The following RFX2 variants were observed in gnomAD, a reference collection of about 807,000 sequenced individuals.
The protein encoded by RFX2 is regulatory factor X2.
RFX2 carries 20 observed loss-of-function variants against 87.8 expected under a neutral mutation model. The ratio of observed to expected loss-of-function variants is 0.23; its 90% CI spans 0.16 to 0.33. The LOEUF is 0.33. Ranked by LOEUF, RFX2 falls within the 10% of genes least tolerant of loss-of-function variation. The pLI is 1.00. For missense variants in RFX2, 767 were observed against 1,012.3 expected, an observed-to-expected ratio of 0.76 and a Z score of 3.29; for synonymous variants, 397 against 431.3, an observed-to-expected ratio of 0.92 and a Z score of 0.98.
At position 6,012,572 on chromosome 19, in the gene RFX2, G is replaced by C. The variant is rs766958943; in HGVS notation, c.899+414C>G. ...AGCCCTGATGTTGACTGTGGACTCT[G>C]GGGGGTGATGCTGGCTCCGCGGAGG... On this transcript the variant is annotated intron_variant, in intron 8 of 17. Transcript: ENST00000303657. This position sits in a 1 kb window ranked among gnomAD's most constrained non-coding sequence, Gnocchi z 4.6. 6.6e-6 allele frequency among the ~76,000 whole-genome samples: 1 copy of C among 152,100 alleles called. No individual in the cohort carries two copies. The highest frequency in any genetic ancestry group is 2.4e-5 in the African/African-American group (1 of 41,392).
Position 6,026,346 on chromosome 19 carries a change from G to A in RFX2, c.523-109C>T, listed in dbSNP as rs1451918628. Reference sequence around the variant, plus strand: ...TTGTTTTTATTAATATCCAAATAATGATTCGAGCTCCTACAAAATAAAAAT... The same window carrying A: ...TTGTTTTTATTAATATCCAAATAATAATTCGAGCTCCTACAAAATAAAAAT... On this transcript the variant is annotated intron_variant, in intron 5 of 17. Coordinates refer to ENST00000303657, the MANE Select transcript of RFX2 (RefSeq NM_000635.4). The surrounding 1 kb of genome is among the most constrained non-coding windows in gnomAD (Gnocchi z 4.5). 3 of 891,928 alleles carry A rather than the reference G, an allele frequency of 3.4e-6. No individual in the cohort carries two copies. The highest frequency in any genetic ancestry group is 5.3e-6 in the Non-Finnish European group (3 of 565,818). The allele number at this position is 891,928 out of a possible 1,614,324, so 55.3% of individuals were successfully genotyped here.
intron 1 of RFX2, among the ~76,000 whole-genome samples, chr19:6,085,194 T>C (rs1000056740): frequency 6.6e-6 from 1 of 152,232 alleles, no homozygotes; most frequent in African/African-American, 2.4e-5. Context: ...GTACAAATAC[T>C]GTTTTCCAAA....
rs750316051 is a variant in RFX2 at position 6,017,064 on chromosome 19, C to T, written c.598-793G>A. Among the ~76,000 whole-genome samples the T allele has an allele frequency of 2.0e-5, 3 of 152,158 alleles. No homozygotes were observed. The highest frequency in any genetic ancestry group is 4.4e-5 in the Non-Finnish European group (3 of 68,036). On this transcript the variant is annotated intron_variant, in intron 6 of 17. Coordinates refer to ENST00000303657, the MANE Select transcript of RFX2 (RefSeq NM_000635.4). The surrounding 1 kb of genome is among the most constrained non-coding windows in gnomAD (Gnocchi z 4.1). ...GTACAAATGGAAATTCAGTAAAATA[C>T]ACAAATGCTTATATGCACGGTTTTG...
At chr19:6,081,204 A>C (rs550456438) in intron 1 of RFX2, among the ~76,000 whole-genome samples, 371 of 152,326 alleles carry the variant, frequency 2.4e-3, no homozygotes, top group Non-Finnish European at 3.5e-3. Context: ...ACTTTAAAAA[A>C]GTTCATAATA....
intron 1 of RFX2, among the ~76,000 whole-genome samples, chr19:6,066,709 A>G (rs1334561741): frequency 6.6e-6 from 1 of 152,198 alleles, no homozygotes; most frequent in South Asian, 2.1e-4. Context: ...ACTCAAATTT[A>G]ATCAGAGAAA....
At chr19:6,108,731 C>A (rs973187757) in intron 1 of RFX2, among the ~76,000 whole-genome samples, 2 of 152,152 alleles carry the variant, frequency 1.3e-5, no homozygotes, top group Non-Finnish European at 2.9e-5. Context: ...GGCAGCCAGC[C>A]CTGGGTCCCG....
intron 1 of RFX2, among the ~76,000 whole-genome samples, chr19:6,085,672 A>G (rs183643177): frequency 2.9e-4 from 44 of 152,356 alleles, no homozygotes; most frequent in African/African-American, 9.6e-4. Flanking sequence ...GTCCTATCCA[A>G]GAAATCATTG....
rs543777931 is a variant in RFX2 at position 6,082,503 on chromosome 19, G to T, written c.-9+27890C>A. ...GCTGGAGTGCAGTGGCGCGATCACA[G>T]CTCACTTCATCCTCTAACTCCTGGG... On this transcript the variant is annotated intron_variant, in intron 1 of 17. Transcript: ENST00000303657. Among the ~76,000 whole-genome samples, 47 of 152,232 alleles carry T rather than the reference G, an allele frequency of 3.1e-4. 1 individual carries two copies. The highest frequency in any genetic ancestry group is 9.1e-4 in the African/African-American group (38 of 41,546).
At chr19:6,028,273 G>A (rs973609634) in intron 5 of RFX2, among the ~76,000 whole-genome samples, 12 of 151,446 alleles carry the variant, frequency 7.9e-5, no homozygotes, top group African/African-American at 2.7e-4. Flanking sequence ...TGTAGAGTGC[G>A]TGACTTACAG....
At position 6,044,454 on chromosome 19, in the gene RFX2, T is replaced by C. The variant is rs2087158557; in HGVS notation, c.91-172A>G. ...TCAGACTTGCACACTCACACCGACC[T>C]GGGCAGACACACGGCAGGTACGTGC... On this transcript the variant is annotated intron_variant, in intron 2 of 17. Coordinates refer to ENST00000303657, the MANE Select transcript of RFX2 (RefSeq NM_000635.4). The surrounding 1 kb of genome is among the most constrained non-coding windows in gnomAD (Gnocchi z 5.3). 6.6e-6 allele frequency among the ~76,000 whole-genome samples: 1 copy of C among 152,198 alleles called. No homozygotes were observed. Among genetic ancestry groups the C allele is most frequent in the Non-Finnish European group, 1.5e-5 (1 of 68,026 alleles).
intron 1 of RFX2, among the ~76,000 whole-genome samples, chr19:6,048,588 G>T (rs550889806): frequency 6.6e-6 from 1 of 152,242 alleles, no homozygotes; most frequent in East Asian, 1.9e-4. Flanking sequence ...CTGCCTGCTG[G>T]GGGTGGTGAG....
rs1019553159 is a variant in RFX2 at position 5,993,200 on chromosome 19, G to A, written c.*1635C>T. Reference sequence around the variant, plus strand: ...CCAGCTTGTATTGGTTACCAGGAGTGAGGAAAAGCCGGGCATTACAATCCG... The same window carrying A: ...CCAGCTTGTATTGGTTACCAGGAGTAAGGAAAAGCCGGGCATTACAATCCG... On this transcript the variant is annotated 3_prime_UTR_variant, in exon 18 of 18. Coordinates refer to ENST00000303657, the MANE Select transcript of RFX2 (RefSeq NM_000635.4). 3 of 152,270 alleles carry A rather than the reference G, an allele frequency of 2.0e-5. No homozygotes were observed. Among genetic ancestry groups the A allele is most frequent in the Non-Finnish European group, 4.4e-5 (3 of 68,042 alleles). The allele number at this position is 152,270 out of a possible 1,614,324, so 9.4% of individuals were successfully genotyped here.
rs2086594608 is a variant in RFX2 at position 6,007,176 on chromosome 19, GA to G, written c.1248-11del. 6.2e-7 allele frequency: 1 copy of G among 1,612,108 alleles called. No individual in the cohort carries two copies. Among genetic ancestry groups the G allele is most frequent in the East Asian group, 2.2e-5 (1 of 44,852 alleles). ...CTCGGGGTCTTCGTCACTGTGGAGG[GA>G]GGGGGGACAGGTGAGCTGTGGCCTG... On this transcript the variant is annotated splice_polypyrimidine_tract_variant and intron_variant, in intron 11 of 17. Transcript: ENST00000303657. This position sits in a 1 kb window ranked among gnomAD's most constrained non-coding sequence, Gnocchi z 8.2.
chr19:5,997,081 C>T lies in RFX2; in HGVS notation c.1992G>A (p.Thr664=), dbSNP rs139431127. ...EHRVAEATGE[T]PIAVMGEFND... is the part of the protein sequence containing the mutation. ...TCACCTCTCCCATCACAGCGATCGG[C>T]GTCTCTCCGGTGGCCTCCGCGACGC... Residue 664 remains threonine (T), a synonymous_variant, in exon 16 of 18, where the codon ACG becomes ACA. Transcript: ENST00000303657. The surrounding 1 kb of genome is among the most constrained non-coding windows in gnomAD (Gnocchi z 4.2). 122 of 1,612,266 alleles carry T rather than the reference C, an allele frequency of 7.6e-5. No homozygotes were observed. The African/African-American group carries it at 7.7e-4, about 10-fold the overall frequency.
Position 6,002,166 on chromosome 19 carries a change from C to G in RFX2, c.1651-143G>C. ...GACCTTGACAGCTGCAAGCCAAGTC[C>G]TGTGTCTCCCGTCACAGGGGCAGAA... On this transcript the variant is annotated intron_variant, in intron 14 of 17. Coordinates refer to ENST00000303657, the MANE Select transcript of RFX2 (RefSeq NM_000635.4). This position sits in a 1 kb window ranked among gnomAD's most constrained non-coding sequence, Gnocchi z 6.7. 1 of 688,618 alleles carries G rather than the reference C, an allele frequency of 1.5e-6. No homozygotes were observed. The highest frequency in any genetic ancestry group is 2.3e-6 in the Non-Finnish European group (1 of 427,840). The allele number at this position is 688,618 out of a possible 1,614,324, so 42.7% of individuals were successfully genotyped here.
rs891793450 is a variant in RFX2, at chr19:6,012,765, G to A, written c.899+221C>T. On this transcript the variant is annotated intron_variant, in intron 8 of 17. Coordinates refer to ENST00000303657, the MANE Select transcript of RFX2 (RefSeq NM_000635.4). This position sits in a 1 kb window ranked among gnomAD's most constrained non-coding sequence, Gnocchi z 4.6. The stretch of plus-strand genomic sequence containing the variant: ...AAGTCTGTTAAAAACAGTTTTAAAC[G>A]GTTTTAAAAAAAGTCTGAAAAGTTA... Among the ~76,000 whole-genome samples, 21 of 152,036 alleles carry A rather than the reference G, an allele frequency of 1.4e-4. No individual in the cohort carries two copies. Among genetic ancestry groups the A allele is most frequent in the African/African-American group, 4.8e-4 (20 of 41,394 alleles).
In RFX2 at chr19:6,007,194, T is replaced by C; in HGVS notation, c.1248-28A>G. 6.2e-7 allele frequency: 1 copy of C among 1,607,040 alleles called. No homozygotes were observed. Among genetic ancestry groups the C allele is most frequent in the Non-Finnish European group, 8.5e-7 (1 of 1,176,084 alleles). On this transcript the variant is annotated intron_variant, in intron 11 of 17. Coordinates refer to ENST00000303657, the MANE Select transcript of RFX2 (RefSeq NM_000635.4). This position sits in a 1 kb window ranked among gnomAD's most constrained non-coding sequence, Gnocchi z 8.2. The stretch of plus-strand genomic sequence containing the variant: ...GTGGAGGGAGGGGGGACAGGTGAGC[T>C]GTGGCCTGGCCCAGGTGGGCTCACT...
In RFX2 at chr19:6,016,136, T is replaced by C; in HGVS notation, c.733A>G (p.Ile245Val). ...CTCAGCCCCATAAACACAGAACGGA[T>C]CAGTTTCCCGAAGGAGGCGGCGTTC... is the stretch of plus-strand genomic sequence containing the variant. ...PVNAASFGKLIRSVFMGLRTR... is the reference protein window; with the variant it reads ...PVNAASFGKLVRSVFMGLRTR... The change falls in exon 7 of 18, where the codon ATC (isoleucine) becomes GTC (valine). Residue 245 changes from isoleucine to valine, a missense_variant. By Grantham distance (29) the Ile-to-Val change is conservative (BLOSUM62 3). Around this residue, in one of 2 missense-constraint regions of RFX2, gnomAD observed 621 missense variants for 873.0 expected, o/e 0.71. Transcript: ENST00000303657. The surrounding 1 kb of genome is among the most constrained non-coding windows in gnomAD (Gnocchi z 5.4). 1 of 1,613,954 alleles carries C rather than the reference T, an allele frequency of 6.2e-7. No homozygotes were observed. Among genetic ancestry groups the C allele is most frequent in the Non-Finnish European group, 8.5e-7 (1 of 1,179,888 alleles).
intron 1 of RFX2, among the ~76,000 whole-genome samples, chr19:6,097,889 AT>A (rs1485803639): frequency 1.3e-5 from 2 of 152,132 alleles, no homozygotes; most frequent in East Asian, 3.9e-4. Flanking sequence ...GGTTCCCTTT[AT>A]TTTTAAAACA....
Sources: gnomAD v4.1 joint callset for allele counts (sites outside exome capture counted in the v4.1 genomes callset) on GRCh38, gnomAD v4.1.1 for gene constraint, gnomAD v4.1.1 regional missense constraint, Gnocchi (gnomAD v3.1) non-coding constraint, MANE v1.5 for transcripts, NCBI Gene and HGNC (gene_info 2026-07-23, HGNC 2026-07-21) for gene names.